The following DDX6 variants were observed in gnomAD, a reference collection of about 807,000 sequenced individuals.
DDX6 encodes probable ATP-dependent RNA helicase DDX6.
Under a neutral mutation model 60.6 loss-of-function variants are expected in DDX6, and 7 were observed. The observed-to-expected ratio is 0.12, with a 90% CI of 0.07 to 0.22. The LOEUF (loss-of-function observed/expected upper bound fraction) is 0.22, where lower values mean the gene tolerates loss of function less well. DDX6 is among the 10% of genes least tolerant of loss of function. The pLI, the probability that DDX6 is intolerant of heterozygous loss-of-function variation, is 1.00. For synonymous variants in DDX6, 207 were observed against 201.0 expected (o/e 1.03, Z -0.25); for missense variants, 270 against 589.9 (o/e 0.46, Z 5.62).
At chr11:118,754,342 G>C (rs1443148931) in intron 13 of DDX6, among the ~76,000 whole-genome samples, 1 of 152,206 alleles carries the variant, frequency 6.6e-6, no homozygotes, top group Non-Finnish European at 1.5e-5. Context: ...AGGAGAACCA[G>C]GCTGCAGTGA....
At chr11:118,791,551 T>G (rs1441733107), upstream of DDX6, 1 of 152,162 alleles carries the variant, frequency 6.6e-6, no homozygotes, top group Non-Finnish European at 1.5e-5. Context: ...GAACATCTCT[T>G]TATTACATGA....
chr11:118,748,073 T>G lies in DDX6; in HGVS notation c.*4032A>C, dbSNP rs1860622259. 2.6e-5 allele frequency: 4 copies of G among 152,166 alleles called. No individual in the cohort carries two copies. The South Asian group carries it at 8.3e-4, about 31-fold the overall frequency. The allele number at this position is 152,166 out of a possible 1,614,324, so 9.4% of individuals were successfully genotyped here. A position where few individuals can be genotyped will look rare whatever the true frequency, so the allele number is the denominator to read the frequency against. ...TTTTACTGAACAAAAAATAATTTTTTTTCCTGTTTCAAAAAAGGGAATAGT... is the reference window on the plus strand; with the variant it reads ...TTTTACTGAACAAAAAATAATTTTTGTTCCTGTTTCAAAAAAGGGAATAGT... On this transcript the variant is annotated 3_prime_UTR_variant, in exon 14 of 14. Coordinates refer to ENST00000534980, the MANE Select transcript of DDX6 (RefSeq NM_004397.6).
chr11:118,791,350 C>G (rs1862273629), upstream of DDX6: 1 of 152,088 alleles, frequency 6.6e-6, no homozygotes, highest in African/African-American at 2.4e-5. Context: ...GCCGCGAAAG[C>G]TTCCTGAGGA....
chr11:118,772,106 CAGGGGA>C (rs1861553802), intron 4 of DDX6, among the ~76,000 whole-genome samples: 1 of 152,138 alleles, frequency 6.6e-6, no homozygotes, highest in Non-Finnish European at 1.5e-5. Flanking sequence ...AAAAAGGGAA[CAGGGGA>C]AGGCAGCCTG....
At chr11:118,770,475 C>T (rs186338259) in intron 4 of DDX6, among the ~76,000 whole-genome samples, 19 of 152,228 alleles carry the variant, frequency 1.2e-4, no homozygotes, top group Admixed American at 3.3e-4. Flanking sequence ...GTAGAAATGA[C>T]TAAATAAGCA....
intron 8 of DDX6, 124 bp downstream of exon 8, chr11:118,759,798 A>G (rs1459560051): frequency 9.0e-7 from 1 of 1,106,430 alleles, no homozygotes; most frequent in East Asian, 2.7e-5. Flanking sequence ...CAACTGAAGA[A>G]AGAGCCAAAG....
chr11:118,789,953 C>G (rs922399397), intron 1 of DDX6: 5 of 152,124 alleles, frequency 3.3e-5, no homozygotes, highest in African/African-American at 9.7e-5. Flanking sequence ...AAACAAACAA[C>G]AAGAAACGTA....
rs1555159181 is a variant in DDX6 at position 118,757,295 on chromosome 11, C to T, written c.994-8G>A. The T allele has an allele frequency of 1.4e-5, 20 of 1,459,584 alleles. No individual in the cohort carries two copies. Among genetic ancestry groups the T allele is most frequent in the Non-Finnish European group, 1.8e-5 (20 of 1,090,700 alleles). The allele number at this position is 1,459,584 out of a possible 1,614,324, so 90.4% of individuals were successfully genotyped here. A position where few individuals can be genotyped will look rare whatever the true frequency, so the allele number is the denominator to read the frequency against. On this transcript the variant is annotated splice_polypyrimidine_tract_variant and splice_region_variant and intron_variant, in intron 9 of 13. Coordinates refer to ENST00000534980, the MANE Select transcript of DDX6 (RefSeq NM_004397.6). Reference sequence around the variant, plus strand: ...CGACTGGTTTATCTGAAGCTGAGCACAGAAAAAAATAAGTATGAGAAAAAT... The same window carrying T: ...CGACTGGTTTATCTGAAGCTGAGCATAGAAAAAAATAAGTATGAGAAAAAT...
At chr11:118,766,922 G>A (rs938331719) in intron 5 of DDX6, among the ~76,000 whole-genome samples, 1 of 147,954 alleles carries the variant, frequency 6.8e-6, no homozygotes, top group Non-Finnish European at 1.5e-5. Context: ...ATCTCGCTCT[G>A]TTACCCAGGC....
At chr11:118,761,612 A>AAAAAC (rs142195532) in intron 7 of DDX6, among the ~76,000 whole-genome samples, 11 of 151,872 alleles carry the variant, frequency 7.2e-5, no homozygotes, top group African/African-American at 1.7e-4. Context: ...ACTCTGTCTC[A>AAAAAC]AAAACAAAAC....
intron 2 of DDX6, among the ~76,000 whole-genome samples, chr11:118,785,272 TAAG>T (rs1591926982): frequency 6.6e-6 from 1 of 152,198 alleles, no homozygotes; most frequent in East Asian, 1.9e-4. Context: ...TCTTCAATTT[TAAG>T]GTTAACAAAA....
At chr11:118,779,550 G>GT (rs1861819319) in intron 4 of DDX6, 82 bp downstream of exon 4, 3 of 845,606 alleles carry the variant, frequency 3.5e-6, no homozygotes, top group Non-Finnish European at 3.7e-6. Context: ...TTAGTTCACT[G>GT]TATCACTTCT....
intron 13 of DDX6, among the ~76,000 whole-genome samples, chr11:118,752,931 TA>T (rs571662633): frequency 6.6e-6 from 1 of 151,576 alleles, no homozygotes; most frequent in Non-Finnish European, 1.5e-5. Flanking sequence ...TTAATAAAAA[TA>T]AAAAAAAGAT....
intron 10 of DDX6, among the ~76,000 whole-genome samples, chr11:118,756,608 T>C (rs545752621): frequency 9.2e-5 from 14 of 152,368 alleles, no homozygotes; most frequent in African/African-American, 2.9e-4. Flanking sequence ...TTGTATCTTT[T>C]TCTAAAGGCA....
chr11:118,754,837 GATC>G lies in DDX6; in HGVS notation c.1324_1326del (p.Asp442del). On this transcript the variant is annotated inframe_deletion, in exon 13 of 14. Coordinates refer to ENST00000534980, the MANE Select transcript of DDX6 (RefSeq NM_004397.6). The stretch of plus-strand genomic sequence containing the variant: ...TCCTCAATACTTTTCAGGTTGAAGC[GATC>G]ATCATATGTGATCAAGTTGATGGCT... 1 of 1,613,770 alleles carries G rather than the reference GATC, an allele frequency of 6.2e-7. No homozygotes were observed. Among genetic ancestry groups the G allele is most frequent in the East Asian group, 2.2e-5 (1 of 44,852 alleles).
chr11:118,752,621 A>G lies in DDX6; in HGVS notation c.*8-524T>C, dbSNP rs1860814722. Among the ~76,000 whole-genome samples, 3 of 152,168 alleles carry G rather than the reference A, an allele frequency of 2.0e-5. No individual in the cohort carries two copies. The South Asian group carries it at 6.2e-4, about 32-fold the overall frequency. On this transcript the variant is annotated intron_variant, in intron 13 of 13. Coordinates refer to ENST00000534980, the MANE Select transcript of DDX6 (RefSeq NM_004397.6). ...ATCCTCGTCTCTATTTAAAAAAGAA[A>G]GAGAAAAAAAATTTAAGTAACATTA...
chr11:118,754,527 G>A, intron 13 of DDX6, 178 bp downstream of exon 13: 2 of 502,670 alleles, frequency 4.0e-6, no homozygotes, highest in Admixed American at 3.8e-5. Context: ...AACATTTACA[G>A]ATTCTCGAAT....
chr11:118,762,079 A>G (rs553698222), intron 7 of DDX6, among the ~76,000 whole-genome samples: 1 of 152,082 alleles, frequency 6.6e-6, no homozygotes, highest in Non-Finnish European at 1.5e-5. Flanking sequence ...GTTCGAGACT[A>G]GCCTGGCCAA....
intron 1 of DDX6, chr11:118,790,824 AG>A (rs1306804927): frequency 6.6e-6 from 1 of 152,580 alleles, no homozygotes; most frequent in Non-Finnish European, 1.5e-5. Context: ...CAGCCCCCAA[AG>A]CACCGCTGAC....
Sources: allele counts gnomAD v4.1 joint callset (sites outside exome capture counted in the v4.1 genomes callset), GRCh38; gene constraint gnomAD v4.1.1; transcripts MANE v1.5; gene names NCBI Gene and HGNC (gene_info 2026-07-23, HGNC 2026-07-21).